The following TMEM150C variants were observed in gnomAD, a reference collection of about 807,000 sequenced individuals.
TMEM150C encodes the protein tentonin 3.
TMEM150C carries 10 observed loss-of-function variants against 29.9 expected under a neutral mutation model. The ratio of observed to expected loss-of-function variants is 0.33; its 90% CI spans 0.21 to 0.57. TMEM150C has a LOEUF of 0.57. TMEM150C is among the 20% of genes least tolerant of loss of function. The pLI is 0.88. For missense variants in TMEM150C, 251 were observed against 303.6 expected (o/e 0.83, Z 1.29); for synonymous variants, 101 against 112.5 (o/e 0.90, Z 0.64).
intron 1 of TMEM150C, among the ~76,000 whole-genome samples, chr4:82,513,383 G>A (rs1437155390): frequency 6.6e-6 from 1 of 152,128 alleles, no homozygotes; most frequent in African/African-American, 2.4e-5. Flanking sequence ...AAACAAAAAG[G>A]AATAGCGGGA....
At chr4:82,522,909 A>T (rs2110079303) in intron 1 of TMEM150C, among the ~76,000 whole-genome samples, 1 of 152,328 alleles carries the variant, frequency 6.6e-6, no homozygotes, top group African/African-American at 2.4e-5. Flanking sequence ...GGAGAATAGA[A>T]ACCCGACATG....
rs1180494717 is a variant in TMEM150C at position 82,561,900 on chromosome 4, G to A, written c.-11+6C>T. ...GCCCAGGCAGGGGAGGGGGCGCCGCGCCTACCTGCTCTGGTGCGGCGGGGC... is the reference window on the plus strand; with the variant it reads ...GCCCAGGCAGGGGAGGGGGCGCCGCACCTACCTGCTCTGGTGCGGCGGGGC... On this transcript the variant is annotated splice_donor_region_variant and intron_variant, in intron 1 of 7. Coordinates refer to ENST00000449862, the MANE Select transcript of TMEM150C (RefSeq NM_001080506.3). The A allele has an allele frequency of 2.0e-6, 2 of 994,966 alleles. No individual in the cohort carries two copies. The highest frequency in any genetic ancestry group is 2.4e-6 in the Non-Finnish European group (2 of 836,080). The allele number at this position is 994,966 out of a possible 1,614,324, so 61.6% of individuals were successfully genotyped here. A position where few individuals can be genotyped will look rare whatever the true frequency, so the allele number is the denominator to read the frequency against.
chr4:82,517,106 G>A (rs1560488567), intron 1 of TMEM150C, among the ~76,000 whole-genome samples: 1 of 152,180 alleles, frequency 6.6e-6, no homozygotes, highest in Non-Finnish European at 1.5e-5. Flanking sequence ...CTCGTGAAAG[G>A]TGACCCAATG....
chr4:82,516,855 A>C (rs780408402), intron 1 of TMEM150C, among the ~76,000 whole-genome samples: 1 of 152,214 alleles, frequency 6.6e-6, no homozygotes, highest in African/African-American at 2.4e-5. Context: ...GACAAAACAC[A>C]TGTGAAATAT....
intron 1 of TMEM150C, among the ~76,000 whole-genome samples, chr4:82,523,448 C>A (rs900338560): frequency 6.6e-6 from 1 of 152,090 alleles, no homozygotes. Flanking sequence ...GTTCTACACA[C>A]GTGGGGATAT....
At position 82,538,782 on chromosome 4, in the gene TMEM150C, C is replaced by G. The variant is rs1056987693; in HGVS notation, c.-11+23124G>C. ...GATGTTAAAAAGACATTTGAGGGACCAGGTGCAGTGGCTCATGCCTGCAAT... is the reference window on the plus strand; with the variant it reads ...GATGTTAAAAAGACATTTGAGGGACGAGGTGCAGTGGCTCATGCCTGCAAT... On this transcript the variant is annotated intron_variant, in intron 1 of 7. Coordinates refer to ENST00000449862, the MANE Select transcript of TMEM150C (RefSeq NM_001080506.3). Among the ~76,000 whole-genome samples, 4 of 152,076 alleles carry G rather than the reference C, an allele frequency of 2.6e-5. No homozygotes were observed. In the East Asian group the frequency reaches 7.7e-4, roughly 29 times the overall value.
chr4:82,538,273 A>C (rs1203131176), intron 1 of TMEM150C, among the ~76,000 whole-genome samples: 4 of 152,006 alleles, frequency 2.6e-5, no homozygotes, highest in Admixed American at 2.6e-4. Context: ...GGCTAGGCTG[A>C]TCTCGAACTC....
chr4:82,558,978 C>T (rs1168643812), intron 1 of TMEM150C, among the ~76,000 whole-genome samples: 1 of 152,150 alleles, frequency 6.6e-6, no homozygotes. Context: ...GTAATCTCCC[C>T]CACCCTTAAG....
At chr4:82,530,107 G>T (rs1219557419) in intron 1 of TMEM150C, among the ~76,000 whole-genome samples, 1 of 150,612 alleles carries the variant, frequency 6.6e-6, no homozygotes, top group African/African-American at 2.5e-5. Context: ...TCTCTCTCTA[G>T]AGAGAGAGAG....
At chr4:82,529,435 T>C (rs78669154) in intron 1 of TMEM150C, among the ~76,000 whole-genome samples, 6,865 of 152,164 alleles carry the variant, frequency 0.045, 509 homozygotes, top group African/African-American at 0.16. Context: ...ACCAAAGGCA[T>C]ATGTGCCATG....
intron 2 of TMEM150C, 83 bp from the exon 3 acceptor site, chr4:82,503,195 C>G (rs79541146): frequency 0.03 from 27,941 of 938,482 alleles, 576 homozygotes; most frequent in Middle Eastern, 0.079. Context: ...ACTAACTGCA[C>G]TAATTCATAT....
chr4:82,490,370 A>C (rs917801855), intron 6 of TMEM150C, 132 bp from the exon 7 acceptor site: 1 of 804,424 alleles, frequency 1.2e-6, no homozygotes, highest in Non-Finnish European at 2.0e-6. Flanking sequence ...GATTGCAGAA[A>C]GATTAGCTCT....
chr4:82,517,142 T>A (rs1337739316), intron 1 of TMEM150C, among the ~76,000 whole-genome samples: 1 of 152,226 alleles, frequency 6.6e-6, no homozygotes, highest in Non-Finnish European at 1.5e-5. Flanking sequence ...TACAGTACCC[T>A]GTACAAAAAC....
intron 5 of TMEM150C, among the ~76,000 whole-genome samples, chr4:82,500,862 G>T (rs1406641990): frequency 6.6e-6 from 1 of 152,242 alleles, no homozygotes; most frequent in African/African-American, 2.4e-5. Context: ...GACAGCTGGT[G>T]ACAGCTTTTT....
chr4:82,550,726 C>G (rs1725546958), intron 1 of TMEM150C, among the ~76,000 whole-genome samples: 1 of 151,434 alleles, frequency 6.6e-6, no homozygotes, highest in South Asian at 2.1e-4. Flanking sequence ...GGAGGCGGAG[C>G]TTGCAGTGAG....
At chr4:82,507,930 TAG>T (rs1723992989) in intron 1 of TMEM150C, among the ~76,000 whole-genome samples, 1 of 151,636 alleles carries the variant, frequency 6.6e-6, no homozygotes, top group African/African-American at 2.4e-5. Flanking sequence ...GTATTTTTTG[TAG>T]AGACAAGGTT....
At chr4:82,511,759 G>T (rs1041969842) in intron 1 of TMEM150C, among the ~76,000 whole-genome samples, 1 of 151,990 alleles carries the variant, frequency 6.6e-6, no homozygotes, top group African/African-American at 2.4e-5. Flanking sequence ...GAGCCACTGC[G>T]CCTGGCCTGT....
At chr4:82,508,032 C>T (rs1197649755) in intron 1 of TMEM150C, among the ~76,000 whole-genome samples, 1 of 152,102 alleles carries the variant, frequency 6.6e-6, no homozygotes, top group East Asian at 1.9e-4. Flanking sequence ...ACTTTGTTAA[C>T]TTTGCCTTAC....
intron 7 of TMEM150C, among the ~76,000 whole-genome samples, chr4:82,489,281 C>G (rs1723257626): frequency 6.6e-6 from 1 of 152,054 alleles, no homozygotes; most frequent in South Asian, 2.1e-4. Flanking sequence ...CCACTGCACT[C>G]CATCCTAAGC....
Sources: allele counts gnomAD v4.1 joint callset (sites outside exome capture counted in the v4.1 genomes callset), GRCh38; gene constraint gnomAD v4.1.1; transcripts MANE v1.5; gene names NCBI Gene and HGNC (gene_info 2026-07-23, HGNC 2026-07-21).